The following SND1 variants were observed in gnomAD, a reference collection of about 807,000 sequenced individuals.
SND1 encodes the protein staphylococcal nuclease domain-containing protein 1.
In SND1, 38 loss-of-function variants were observed where a neutral mutation model predicts 121.7. The observed-to-expected ratio is 0.31, with a 90% confidence interval of 0.24 to 0.41. The LOEUF (loss-of-function observed/expected upper bound fraction) is 0.41, where lower values mean the gene tolerates loss of function less well. Ranked by LOEUF, SND1 falls within the 10% of genes least tolerant of loss-of-function variation. The pLI is 1.00. For synonymous variants in SND1, 401 were observed against 447.4 expected, an observed-to-expected ratio of 0.90 and a Z score of 1.31; for missense variants, 868 against 1,184.6, an observed-to-expected ratio of 0.73 and a Z score of 3.92.
chr7:127,733,774 C>G (rs1320455464), intron 10 of SND1, among the ~76,000 whole-genome samples: 3 of 152,094 alleles, frequency 2.0e-5, no homozygotes, highest in Non-Finnish European at 2.9e-5. Context: ...GTATTTGGGG[C>G]CTGCCACTGA....
At chr7:127,932,783 C>G (rs1350471870) in intron 15 of SND1, among the ~76,000 whole-genome samples, 1 of 152,140 alleles carries the variant, frequency 6.6e-6, no homozygotes, top group African/African-American at 2.4e-5. Flanking sequence ...GCACTGAAGG[C>G]TCAGATGATC....
intron 22 of SND1, among the ~76,000 whole-genome samples, chr7:128,090,004 C>T (rs553670340): frequency 1.3e-5 from 2 of 152,232 alleles, no homozygotes; most frequent in East Asian, 3.9e-4. Context: ...AAGGCCTGTC[C>T]CTCCCGCTCT....
Position 128,081,348 on chromosome 7 carries a change from C to T in SND1, c.1969-12C>T. On this transcript the variant is annotated splice_polypyrimidine_tract_variant and intron_variant, in intron 17 of 23. Transcript: ENST00000354725. ...CTCGCCCTCTTCTCACCTCTGCCGA[C>T]TGAACATGCAGGTCTGGGCCCACTA... 1.9e-6 allele frequency: 3 copies of T among 1,613,980 alleles called. No homozygotes were observed. Among genetic ancestry groups the T allele is most frequent in the Non-Finnish European group, 2.5e-6 (3 of 1,179,950 alleles).
intron 16 of SND1, among the ~76,000 whole-genome samples, chr7:128,004,766 TG>T (rs1477158652): frequency 2.6e-5 from 4 of 152,204 alleles, no homozygotes; most frequent in Non-Finnish European, 4.4e-5. Context: ...TCTTATTTCC[TG>T]GTTGTCTGCA....
chr7:127,896,660 G>A (rs1800126077), intron 13 of SND1, among the ~76,000 whole-genome samples: 1 of 152,066 alleles, frequency 6.6e-6, no homozygotes, highest in South Asian at 2.1e-4. Context: ...GTGGTTATAA[G>A]TAACAGAGAA....
At chr7:127,679,217 T>C (rs535294822) in intron 1 of SND1, 1 of 152,368 alleles carries the variant, frequency 6.6e-6, no homozygotes, top group East Asian at 1.9e-4. Context: ...GCTTCCTACC[T>C]AGTTATTTCT....
At chr7:128,022,450 G>C (rs1803378531) in intron 16 of SND1, among the ~76,000 whole-genome samples, 1 of 152,088 alleles carries the variant, frequency 6.6e-6, no homozygotes, top group Non-Finnish European at 1.5e-5. Flanking sequence ...AACTCTTTTT[G>C]ATGGGATAAG....
intron 11 of SND1, among the ~76,000 whole-genome samples, chr7:127,840,239 T>A (rs2116640240): frequency 6.6e-6 from 1 of 152,336 alleles, no homozygotes; most frequent in Non-Finnish European, 1.5e-5. Flanking sequence ...GACTAAATTA[T>A]CTTTTAGAAT....
intron 15 of SND1, among the ~76,000 whole-genome samples, chr7:127,967,667 T>G (rs1285280010): frequency 6.6e-6 from 1 of 152,216 alleles, no homozygotes; most frequent in East Asian, 1.9e-4. Flanking sequence ...CTAATTGTGT[T>G]GTATATATTT....
At chr7:127,819,064 C>T (rs1798499418) in intron 11 of SND1, among the ~76,000 whole-genome samples, 1 of 152,204 alleles carries the variant, frequency 6.6e-6, no homozygotes, top group Admixed American at 6.5e-5. Flanking sequence ...TCATGTTTGA[C>T]ACCTCTAATT....
chr7:128,061,281 A>G (rs905731542), intron 16 of SND1, among the ~76,000 whole-genome samples: 1 of 152,152 alleles, frequency 6.6e-6, no homozygotes, highest in African/African-American at 2.4e-5. Context: ...CATCCTACAG[A>G]TTGTTCTTTC....
intron 12 of SND1, among the ~76,000 whole-genome samples, chr7:127,887,381 A>G (rs1236168842): frequency 6.6e-6 from 1 of 152,032 alleles, no homozygotes; most frequent in Admixed American, 6.6e-5. Context: ...CACTTTGGGT[A>G]GAAGATCTAC....
At chr7:127,928,088 C>T (rs1320325244) in intron 14 of SND1, 3 of 152,176 alleles carry the variant, frequency 2.0e-5, no homozygotes, top group Non-Finnish European at 2.9e-5. Flanking sequence ...TTTGAAGGCC[C>T]TTCGCATCTA....
At chr7:127,708,044 G>A (rs1266317555) in intron 9 of SND1, among the ~76,000 whole-genome samples, 1 of 152,130 alleles carries the variant, frequency 6.6e-6, no homozygotes, top group Non-Finnish European at 1.5e-5. Flanking sequence ...ATACTCAGTA[G>A]GAACCACATT....
chr7:127,756,673 T>A (rs979836076), intron 10 of SND1, among the ~76,000 whole-genome samples: 1 of 152,236 alleles, frequency 6.6e-6, no homozygotes, highest in Non-Finnish European at 1.5e-5. Flanking sequence ...TCTGCTAGGA[T>A]ATGTGGCGAC....
chr7:127,995,211 G>A (rs1415994438), intron 16 of SND1, among the ~76,000 whole-genome samples: 1 of 152,220 alleles, frequency 6.6e-6, no homozygotes. Context: ...GCTTGTAATA[G>A]CCCTGAAAAT....
chr7:128,039,892 T>G (rs753065185), intron 16 of SND1, among the ~76,000 whole-genome samples: 1 of 152,170 alleles, frequency 6.6e-6, no homozygotes, highest in Non-Finnish European at 1.5e-5. Context: ...CCCCATTACC[T>G]CGCTTTATGG....
intron 15 of SND1, among the ~76,000 whole-genome samples, chr7:127,967,807 GCT>G (rs1430342743): frequency 6.6e-6 from 1 of 152,208 alleles, no homozygotes; most frequent in Non-Finnish European, 1.5e-5. Flanking sequence ...GAGGTCATTA[GCT>G]CTCTCATCAC....
chr7:128,011,528 G>A (rs1803117403), intron 16 of SND1, among the ~76,000 whole-genome samples: 1 of 152,178 alleles, frequency 6.6e-6, no homozygotes, highest in African/African-American at 2.4e-5. Flanking sequence ...GGGGCTAAAG[G>A]ACATTCGCAG....
Sources: allele counts gnomAD v4.1 joint callset (sites outside exome capture counted in the v4.1 genomes callset), GRCh38; gene constraint gnomAD v4.1.1; transcripts MANE v1.5; gene names NCBI Gene and HGNC (gene_info 2026-07-23, HGNC 2026-07-21).